The following CENPP variants were observed in gnomAD, a reference collection of about 807,000 sequenced individuals.
CENPP encodes centromere protein P.
In CENPP, 24 loss-of-function variants were observed where a neutral mutation model predicts 35.6. The observed-to-expected ratio is 0.67, with a 90% CI of 0.49 to 0.95. CENPP has a LOEUF of 0.95. Ranked by LOEUF, CENPP falls within the 40% of genes least tolerant of loss-of-function variation. CENPP has a pLI of 0.00. For synonymous variants in CENPP, 120 were observed against 125.5 expected (o/e 0.96, Z 0.29); for missense variants, 332 against 345.3 (o/e 0.96, Z 0.31).
intron 4 of CENPP, among the ~76,000 whole-genome samples, chr9:92,355,137 C>T (rs10992314): frequency 0.25 from 38,191 of 152,006 alleles, 6,864 homozygotes; most frequent in African/African-American, 0.5. Flanking sequence ...AGCAGAGAAC[C>T]GGTCTGGCCA....
At chr9:92,456,230 T>C (rs370126754) in intron 5 of CENPP, 61 of 152,354 alleles carry the variant, frequency 4.0e-4, no homozygotes, top group African/African-American at 1.4e-3. Flanking sequence ...ATATTTTTAA[T>C]GAAAATTTCC....
At chr9:92,351,386 A>T (rs959225381) in intron 4 of CENPP, among the ~76,000 whole-genome samples, 8 of 151,334 alleles carry the variant, frequency 5.3e-5, no homozygotes, top group African/African-American at 1.7e-4. Flanking sequence ...AGGCTGAGGC[A>T]GGAGAATCGC....
chr9:92,496,517 T>G, intron 5 of CENPP: 1 of 1,590,632 alleles, frequency 6.3e-7, no homozygotes. Context: ...TCACACATGG[T>G]CCCAGTAATA....
chr9:92,420,772 A>G (rs1843767977), intron 5 of CENPP, among the ~76,000 whole-genome samples: 1 of 151,932 alleles, frequency 6.6e-6, no homozygotes, highest in African/African-American at 2.4e-5. Context: ...TTTTTTAACA[A>G]TATGTGCTTT....
chr9:92,461,115 T>G (rs937939283), intron 5 of CENPP, among the ~76,000 whole-genome samples: 1 of 65,116 alleles, frequency 1.5e-5, no homozygotes, highest in African/African-American at 1.7e-4. Context: ...CTACTCTTAA[T>G]TATTTATTGA....
At chr9:92,411,783 A>G (rs1588111044) in intron 5 of CENPP, among the ~76,000 whole-genome samples, 1 of 152,192 alleles carries the variant, frequency 6.6e-6, no homozygotes, top group South Asian at 2.1e-4. Flanking sequence ...CTTTATATTA[A>G]CCCCAGTCAG....
chr9:92,446,222 C>G (rs1844548940), intron 5 of CENPP, among the ~76,000 whole-genome samples: 1 of 152,148 alleles, frequency 6.6e-6, no homozygotes, highest in Non-Finnish European at 1.5e-5. Context: ...TCTTTAGACC[C>G]TCTATAATTT....
chr9:92,361,490 T>G (rs868130045), intron 4 of CENPP, among the ~76,000 whole-genome samples: 1 of 98,350 alleles, frequency 1.0e-5, no homozygotes, highest in African/African-American at 3.8e-5. Context: ...TTTATTTTAT[T>G]TTATTTTGAG....
chr9:92,381,617 A>C (rs1248604577), intron 5 of CENPP, among the ~76,000 whole-genome samples: 1 of 152,156 alleles, frequency 6.6e-6, no homozygotes, highest in Non-Finnish European at 1.5e-5. Context: ...CATTTTGCTT[A>C]TCCATTCATT....
intron 5 of CENPP, among the ~76,000 whole-genome samples, chr9:92,546,392 C>T (rs1243371396): frequency 6.6e-6 from 1 of 152,182 alleles, no homozygotes; most frequent in African/African-American, 2.4e-5. Flanking sequence ...CTTGCTGCTG[C>T]TCACTCTTTG....
intron 4 of CENPP, among the ~76,000 whole-genome samples, chr9:92,377,662 G>A (rs1437817756): frequency 6.6e-6 from 1 of 152,108 alleles, no homozygotes; most frequent in Non-Finnish European, 1.5e-5. Flanking sequence ...CAGTGTTTCT[G>A]AGACAGGATG....
intron 5 of CENPP, among the ~76,000 whole-genome samples, chr9:92,452,775 G>C (rs930095849): frequency 5.8e-4 from 88 of 152,124 alleles, no homozygotes; most frequent in African/African-American, 2.1e-3. Context: ...CACAATTTCA[G>C]AGTCTGTTAT....
chr9:92,379,638 G>A (rs867911017), intron 4 of CENPP, 125 bp from the exon 5 acceptor site: 6 of 619,408 alleles, frequency 9.7e-6, no homozygotes, highest in African/African-American at 9.2e-5. Flanking sequence ...TGCAAGAATT[G>A]ATATGTAGAA....
intron 5 of CENPP, chr9:92,511,980 T>C (rs1159907394): frequency 2.0e-6 from 3 of 1,529,316 alleles, no homozygotes; most frequent in African/African-American, 1.4e-5. Context: ...AAGCCATTCA[T>C]CCAAATAGAC....
chr9:92,541,037 A>G (rs1849306272), intron 5 of CENPP, among the ~76,000 whole-genome samples: 1 of 151,402 alleles, frequency 6.6e-6, no homozygotes, highest in East Asian at 2.0e-4. Flanking sequence ...CGAGGTGGGC[A>G]GATCACAAGG....
chr9:92,415,467 A>T (rs772362041), intron 5 of CENPP: 33 of 1,580,084 alleles, frequency 2.1e-5, no homozygotes, highest in Non-Finnish European at 2.2e-5. Context: ...ACATCACTGT[A>T]AGATTCATCT....
At chr9:92,393,204 A>G in intron 5 of CENPP, 3 of 1,610,554 alleles carry the variant, frequency 1.9e-6, no homozygotes, top group South Asian at 1.1e-5. Context: ...CACAGTATAC[A>G]GAGCCACTTA....
intron 5 of CENPP, among the ~76,000 whole-genome samples, chr9:92,521,604 C>T (rs1287482107): frequency 1.3e-5 from 2 of 152,112 alleles, no homozygotes; most frequent in Non-Finnish European, 2.9e-5. Flanking sequence ...TTAGTGGTAA[C>T]ATGTCTATAA....
intron 5 of CENPP, among the ~76,000 whole-genome samples, chr9:92,568,769 T>C (rs867015992): frequency 6.6e-6 from 1 of 152,228 alleles, no homozygotes; most frequent in Non-Finnish European, 1.5e-5. Flanking sequence ...TTTTTAATGA[T>C]TGCCATTCTA....
Sources: allele counts gnomAD v4.1 joint callset (sites outside exome capture counted in the v4.1 genomes callset), GRCh38; gene constraint gnomAD v4.1.1; transcripts MANE v1.5; gene names NCBI Gene and HGNC (gene_info 2026-07-23, HGNC 2026-07-21).